Variants in KLF8 observed in about 807,000 individuals in gnomAD.
KLF8 encodes the protein KLF transcription factor 8, also known as Krueppel-like factor 8.
KLF8 carries 10 observed loss-of-function variants against 18.2 expected under a neutral mutation model. The ratio of observed to expected loss-of-function variants is 0.55; its 90% CI spans 0.34 to 0.93. The LOEUF (loss-of-function observed/expected upper bound fraction) is 0.93. KLF8 is among the 40% of genes least tolerant of loss of function. The pLI is 0.02. For synonymous variants in KLF8, 109 were observed against 97.3 expected, an observed-to-expected ratio of 1.12 and a Z score of -0.71; for missense variants, 264 against 277.9, an observed-to-expected ratio of 0.95 and a Z score of 0.36.
chrX:55,911,289 A>G, the KLF8 span, among the ~76,000 whole-genome samples: 2 of 111,377 alleles, frequency 1.8e-5, no homozygotes, highest in African/African-American at 3.3e-5. Context: ...GAGGTGGAAG[A>G]AAATCCATGT....
At chrX:56,029,154 C>T in the KLF8 span, among the ~76,000 whole-genome samples, 1 of 110,858 alleles carries the variant, frequency 9.0e-6, no homozygotes, top group African/African-American at 3.3e-5. Context: ...GATTGTCCTC[C>T]ACCAATACTC....
the KLF8 span, among the ~76,000 whole-genome samples, chrX:56,045,566 TC>T: frequency 8.9e-6 from 1 of 112,302 alleles, no homozygotes; most frequent in African/African-American, 3.2e-5. Context: ...ATCTATGATT[TC>T]TTTTAGCAGT....
chrX:55,925,022 A>AT, the KLF8 span, among the ~76,000 whole-genome samples: 10,607 of 86,361 alleles, frequency 0.12, 1,579 homozygotes, highest in African/African-American at 0.38. Flanking sequence ...CGCCCAGCTA[A>AT]TTTTTTTTTT....
At chrX:56,049,573 T>G in the KLF8 span, among the ~76,000 whole-genome samples, 3 of 104,975 alleles carry the variant, frequency 2.9e-5, no homozygotes, top group South Asian at 1.4e-3. Flanking sequence ...TTACATTTAT[T>G]GATTTGCGTA....
At chrX:55,959,535 T>C in the KLF8 span, among the ~76,000 whole-genome samples, 3 of 111,909 alleles carry the variant, frequency 2.7e-5, no homozygotes, top group African/African-American at 9.8e-5. Context: ...TGAAAGATGA[T>C]GTAGCTATTT....
the KLF8 span, among the ~76,000 whole-genome samples, chrX:56,066,449 A>G: frequency 8.9e-6 from 1 of 112,045 alleles, no homozygotes; most frequent in African/African-American, 3.2e-5. Flanking sequence ...TTGGTGCAGC[A>G]GTAGTTTTGT....
chrX:56,186,765 C>A, the KLF8 span, among the ~76,000 whole-genome samples: 1 of 112,157 alleles, frequency 8.9e-6, no homozygotes, highest in East Asian at 2.8e-4. Flanking sequence ...ACAACCTGCT[C>A]CTGAATGACT....
the KLF8 span, among the ~76,000 whole-genome samples, chrX:56,205,686 A>G: frequency 8.0e-5 from 9 of 112,034 alleles, no homozygotes; most frequent in African/African-American, 2.6e-4. Flanking sequence ...ATTTTAAAGT[A>G]TTCCCTTTTC....
chrX:56,243,222 G>T (rs2066571755), intron 1 of KLF8: 2 of 462,806 alleles, frequency 4.3e-6, no homozygotes, highest in South Asian at 2.4e-5. Context: ...GCACTCCTCC[G>T]AGGATATTTG....
At chrX:56,235,446 C>T (rs1379989471) in intron 1 of KLF8, among the ~76,000 whole-genome samples, 6 of 82,805 alleles carry the variant, frequency 7.2e-5, no homozygotes, top group African/African-American at 2.0e-4. Context: ...CACGGTGTTT[C>T]GCCCTTGTTG....
the KLF8 span, among the ~76,000 whole-genome samples, chrX:55,993,995 C>T: frequency 9.3e-6 from 1 of 107,187 alleles, no homozygotes; most frequent in Non-Finnish European, 1.9e-5. Context: ...ACTGCAACCT[C>T]CGCCTCCCGG....
the KLF8 span, among the ~76,000 whole-genome samples, chrX:56,197,152 A>C: frequency 8.9e-6 from 1 of 111,739 alleles, no homozygotes; most frequent in Middle Eastern, 4.6e-3. Context: ...GGAAAGATCT[A>C]AATTTGACAC....
the KLF8 span, among the ~76,000 whole-genome samples, chrX:56,097,088 A>G: frequency 6.3e-5 from 7 of 111,863 alleles, no homozygotes; most frequent in African/African-American, 2.3e-4. Context: ...ACCATGTACA[A>G]AAGTAATTAT....
At chrX:56,016,237 T>C in the KLF8 span, among the ~76,000 whole-genome samples, 3 of 112,020 alleles carry the variant, frequency 2.7e-5, no homozygotes, top group South Asian at 7.4e-4. Flanking sequence ...GTGAGGTAAA[T>C]ATAAGGTAAT....
At chrX:56,141,320 A>G in the KLF8 span, among the ~76,000 whole-genome samples, 1 of 111,706 alleles carries the variant, frequency 9.0e-6, no homozygotes, top group Non-Finnish European at 1.9e-5. Flanking sequence ...ATATTTTCCT[A>G]TGAATTTCCA....
chrX:56,051,770 T>C, the KLF8 span, among the ~76,000 whole-genome samples: 1 of 107,355 alleles, frequency 9.3e-6, no homozygotes, highest in East Asian at 2.8e-4. Flanking sequence ...TCTCGAGGAG[T>C]ATCTTTGTGG....
chrX:56,049,750 T>C, the KLF8 span, among the ~76,000 whole-genome samples: 2 of 110,624 alleles, frequency 1.8e-5, no homozygotes, highest in Admixed American at 9.7e-5. Flanking sequence ...TGTTTCTGCC[T>C]GGCTTTGGTA....
At chrX:56,080,331 C>T in the KLF8 span, among the ~76,000 whole-genome samples, 2 of 110,866 alleles carry the variant, frequency 1.8e-5, no homozygotes, top group Admixed American at 9.6e-5. Flanking sequence ...GGAGCTCTTG[C>T]AAGGCAGACC....
chrX:56,058,295 T>TAC, the KLF8 span, among the ~76,000 whole-genome samples: 45 of 67,505 alleles, frequency 6.7e-4, no homozygotes, highest in East Asian at 3.5e-3. Flanking sequence ...TATATATATA[T>TAC]ATATATATAT....
Sources: gnomAD v4.1 joint callset for allele counts (sites outside exome capture counted in the v4.1 genomes callset) on GRCh38, gnomAD v4.1.1 for gene constraint, MANE v1.5 for transcripts, NCBI Gene and HGNC (gene_info 2026-07-23, HGNC 2026-07-21) for gene names.